Variants in FAF1 observed in about 807,000 individuals in gnomAD.
FAF1 encodes the protein Fas associated factor 1.
FAF1 carries 25 observed loss-of-function variants against 92.5 expected under a neutral mutation model. The observed-to-expected ratio is 0.27, with a 90% CI of 0.20 to 0.38. The LOEUF is 0.38. Ranked by LOEUF, FAF1 falls within the 10% of genes least tolerant of loss-of-function variation. FAF1 has a pLI of 1.00. For missense variants in FAF1, 636 were observed against 793.3 expected, an observed-to-expected ratio of 0.80 and a Z score of 2.38; for synonymous variants, 234 against 273.2, an observed-to-expected ratio of 0.86 and a Z score of 1.42.
At chr1:50,491,536 A>G (rs1436414619) in intron 16 of FAF1, among the ~76,000 whole-genome samples, 185 bp downstream of exon 16, 5 of 152,232 alleles carry the variant, frequency 3.3e-5, no homozygotes, top group African/African-American at 4.8e-5. Context: ...TTCATGAAAC[A>G]AACTTTATTT....
chr1:50,763,193 G>A (rs1292560008), intron 4 of FAF1, among the ~76,000 whole-genome samples: 2 of 152,122 alleles, frequency 1.3e-5, no homozygotes, highest in African/African-American at 4.8e-5. Flanking sequence ...AGGAGGTAGT[G>A]GTTGCTGTAA....
At chr1:50,648,025 G>A (rs1185254450) in intron 8 of FAF1, among the ~76,000 whole-genome samples, 1 of 152,120 alleles carries the variant, frequency 6.6e-6, no homozygotes, top group East Asian at 1.9e-4. Context: ...TTGGGAGGCC[G>A]AGGCAGGTGG....
At chr1:50,550,348 C>CT (rs1384273630) in intron 13 of FAF1, among the ~76,000 whole-genome samples, 5 of 91,654 alleles carry the variant, frequency 5.5e-5, no homozygotes, top group African/African-American at 1.4e-4. Context: ...GAGACTCCGT[C>CT]TTTAAAAAAA....
chr1:50,760,172 C>T (rs975520421), intron 4 of FAF1, among the ~76,000 whole-genome samples: 1 of 152,054 alleles, frequency 6.6e-6, no homozygotes, highest in Non-Finnish European at 1.5e-5. Flanking sequence ...TACAGGAGCA[C>T]CCAGATTCAT....
At chr1:50,629,187 C>T (rs1301495930) in intron 8 of FAF1, among the ~76,000 whole-genome samples, 19 of 98,674 alleles carry the variant, frequency 1.9e-4, no homozygotes, top group South Asian at 3.2e-4. Context: ...TTTTTTGAGA[C>T]GGAGTTTCAC....
intron 2 of FAF1, among the ~76,000 whole-genome samples, chr1:50,809,049 A>G (rs551452828): frequency 6.6e-6 from 1 of 152,328 alleles, no homozygotes; most frequent in South Asian, 2.1e-4. Flanking sequence ...AGGAGACTTC[A>G]ACACTCTACT....
intron 2 of FAF1, among the ~76,000 whole-genome samples, chr1:50,820,890 C>T (rs1644037592): frequency 6.6e-6 from 1 of 151,808 alleles, no homozygotes; most frequent in South Asian, 2.1e-4. Flanking sequence ...TTTCTTTATC[C>T]ATTCATTCAT....
At chr1:50,627,662 AT>A (rs1194179058) in intron 8 of FAF1, among the ~76,000 whole-genome samples, 1 of 152,076 alleles carries the variant, frequency 6.6e-6, no homozygotes, top group Admixed American at 6.6e-5. Flanking sequence ...GGCAAAACTA[AT>A]CTATGGTCTT....
chr1:50,892,155 G>T (rs1166352045), intron 1 of FAF1, among the ~76,000 whole-genome samples: 1 of 152,214 alleles, frequency 6.6e-6, no homozygotes, highest in African/African-American at 2.4e-5. Context: ...GACCCTCCAA[G>T]CCAGGAGTGG....
intron 4 of FAF1, among the ~76,000 whole-genome samples, chr1:50,761,297 C>T (rs1373463829): frequency 1.3e-5 from 2 of 152,120 alleles, no homozygotes; most frequent in Non-Finnish European, 2.9e-5. Context: ...GAAACTATTC[C>T]AATCAATAGA....
intron 7 of FAF1, among the ~76,000 whole-genome samples, chr1:50,694,514 T>C (rs545901970): frequency 1.3e-5 from 2 of 150,388 alleles, no homozygotes; most frequent in East Asian, 2.0e-4. Context: ...TTTTCCTTCA[T>C]AGTAATGATT....
At chr1:50,816,117 G>T (rs1290270085) in intron 2 of FAF1, among the ~76,000 whole-genome samples, 1 of 150,116 alleles carries the variant, frequency 6.7e-6, no homozygotes, top group Middle Eastern at 3.2e-3. Flanking sequence ...GAATATTAGT[G>T]ATTTTTTTTT....
intron 1 of FAF1, among the ~76,000 whole-genome samples, chr1:50,909,450 G>A (rs1246258982): frequency 1.3e-5 from 2 of 152,100 alleles, no homozygotes; most frequent in Non-Finnish European, 2.9e-5. Flanking sequence ...AGTTCTCCTG[G>A]GTAATATCCT....
At chr1:50,591,674 G>GAAAAAA (rs35426054) in intron 9 of FAF1, among the ~76,000 whole-genome samples, 1 of 93,674 alleles carries the variant, frequency 1.1e-5, no homozygotes. Flanking sequence ...CTCCATCTCA[G>GAAAAAA]AAAAAAAAAA....
At chr1:50,753,501 C>A (rs1659953211) in intron 4 of FAF1, among the ~76,000 whole-genome samples, 1 of 152,152 alleles carries the variant, frequency 6.6e-6, no homozygotes, top group Non-Finnish European at 1.5e-5. Flanking sequence ...TCTTGAGAAC[C>A]TATGTAGAAA....
intron 1 of FAF1, among the ~76,000 whole-genome samples, chr1:50,938,684 T>C (rs1645106390): frequency 6.6e-6 from 1 of 152,208 alleles, no homozygotes; most frequent in African/African-American, 2.4e-5. Flanking sequence ...CTGGGTTTTC[T>C]TCTACTAGGA....
intron 1 of FAF1, among the ~76,000 whole-genome samples, chr1:50,885,082 G>A (rs1283888142): frequency 6.6e-6 from 1 of 152,098 alleles, no homozygotes; most frequent in Non-Finnish European, 1.5e-5. Context: ...AGTCACTAAT[G>A]AACCTTTGAA....
intron 8 of FAF1, among the ~76,000 whole-genome samples, chr1:50,623,717 G>C (rs1313782628): frequency 1.3e-5 from 2 of 152,058 alleles, no homozygotes; most frequent in Non-Finnish European, 2.9e-5. Context: ...CAAGGTGGGA[G>C]GATCACTTGA....
At chr1:50,728,786 G>C (rs568479302) in intron 6 of FAF1, among the ~76,000 whole-genome samples, 16 of 144,892 alleles carry the variant, frequency 1.1e-4, no homozygotes, top group Non-Finnish European at 2.3e-4. Flanking sequence ...GCCAGACTCC[G>C]TCTCAAAAAA....
Sources: allele counts gnomAD v4.1 joint callset (sites outside exome capture counted in the v4.1 genomes callset), GRCh38; gene constraint gnomAD v4.1.1; transcripts MANE v1.5; gene names NCBI Gene and HGNC (gene_info 2026-07-23, HGNC 2026-07-21).